The following HERC4 variants were observed in gnomAD, a reference collection of about 807,000 sequenced individuals.
The protein encoded by HERC4 is probable E3 ubiquitin-protein ligase HERC4.
In HERC4, 28 loss-of-function variants were observed where a neutral mutation model predicts 124.3. That is an observed-to-expected ratio of 0.23 (90% CI 0.17 to 0.31). HERC4 has a LOEUF of 0.31. Ranked by LOEUF, HERC4 falls within the 10% of genes least tolerant of loss-of-function variation. The pLI, the probability that HERC4 is intolerant of heterozygous loss-of-function variation, is 1.00. For synonymous variants in HERC4, 407 were observed against 421.5 expected, an observed-to-expected ratio of 0.97 and a Z score of 0.42; for missense variants, 713 against 1,229.3, an observed-to-expected ratio of 0.58 and a Z score of 6.28.
chr10:68,061,641 G>A (rs12767952), intron 3 of HERC4, among the ~76,000 whole-genome samples: 14,758 of 151,340 alleles, frequency 0.098, 811 homozygotes, highest in South Asian at 0.15. Flanking sequence ...CACTTTGGGA[G>A]GCAGAGACGG....
At chr10:67,954,492 G>T in intron 19 of HERC4, 103 bp downstream of exon 19, 1 of 873,310 alleles carries the variant, frequency 1.1e-6, no homozygotes, top group Non-Finnish European at 1.6e-6. Context: ...TTATATGTTA[G>T]GGATCCAGTA....
intron 9 of HERC4, chr10:67,993,604 A>G (rs374039487): frequency 2.6e-5 from 4 of 150,990 alleles, no homozygotes; most frequent in Admixed American, 6.6e-5. Flanking sequence ...ATAATGCAGA[A>G]TTTTTTTTTT....
chr10:67,985,026 TAC>T (rs895947618), intron 15 of HERC4, among the ~76,000 whole-genome samples: 2 of 152,244 alleles, frequency 1.3e-5, no homozygotes, highest in African/African-American at 2.4e-5. Context: ...ATATGATATA[TAC>T]GTTTTTGAAA....
intron 22 of HERC4, among the ~76,000 whole-genome samples, chr10:67,935,238 TG>T (rs1392536165): frequency 6.6e-6 from 1 of 151,784 alleles, no homozygotes; most frequent in African/African-American, 2.4e-5. Context: ...CTCTGCATCC[TG>T]GGTTCAAGAG....
chr10:68,056,905 T>C (rs2040576976), intron 3 of HERC4, among the ~76,000 whole-genome samples: 1 of 152,186 alleles, frequency 6.6e-6, no homozygotes, highest in Non-Finnish European at 1.5e-5. Flanking sequence ...TCAATGTTGG[T>C]GCTACGGGAA....
intron 8 of HERC4, among the ~76,000 whole-genome samples, chr10:68,021,259 G>T (rs2038606891): frequency 6.6e-6 from 1 of 152,106 alleles, no homozygotes; most frequent in African/African-American, 2.4e-5. Context: ...CACTAAAAGG[G>T]TTACATACTA....
Position 68,032,844 on chromosome 10 carries a change from CT to C in HERC4, c.710del (p.Lys237SerfsTer3). On this transcript the variant is annotated frameshift_variant, in exon 7 of 25. Transcript: ENST00000373700. LOFTEE classifies it high-confidence loss of function. ...ENDRYVPNLLKSLRSQKIVYI... is the reference protein window; with the variant it reads ...ENDRYVPNLLXSLRSQKIVYI... ...AAACTATTTTCTGAGATCTTAGTGA[CT>C]TTAGTAAATTAGGAACATACCTATC... The C allele has an allele frequency of 6.4e-7, 1 of 1,563,560 alleles. No homozygotes were observed. The highest frequency in any genetic ancestry group is 8.8e-7 in the Non-Finnish European group (1 of 1,134,226).
chr10:67,995,546 T>C (rs2036819584), intron 9 of HERC4, among the ~76,000 whole-genome samples: 1 of 151,896 alleles, frequency 6.6e-6, no homozygotes, highest in Non-Finnish European at 1.5e-5. Flanking sequence ...TTATTGTTTG[T>C]CTTATTTATC....
At chr10:67,976,313 C>T (rs1204978416) in intron 15 of HERC4, among the ~76,000 whole-genome samples, 1 of 152,114 alleles carries the variant, frequency 6.6e-6, no homozygotes, top group African/African-American at 2.4e-5. Context: ...TTCCCCTCTC[C>T]AATATTTATG....
intron 4 of HERC4, chr10:68,039,987 ATT>A (rs2039679540): frequency 2.7e-6 from 2 of 738,904 alleles, no homozygotes; most frequent in Non-Finnish European, 3.3e-6. Context: ...TTCATTTAAT[ATT>A]TGTCTCCTCT....
Position 67,940,950 on chromosome 10 carries a change from A to T in HERC4, c.2493T>A (p.Pro831=), listed in dbSNP as rs369188758. 9 of 1,609,526 alleles carry T rather than the reference A, an allele frequency of 5.6e-6. No individual in the cohort carries two copies. In the African/African-American group the frequency reaches 9.4e-5, roughly 17 times the overall value. Residue 831 remains proline, a synonymous_variant, in exon 20 of 25, where the codon CCT becomes CCA. Transcript: ENST00000373700. ...PSLDDLKELM[P]DVGRSMQQLL... ...TTTTTCCAACTAACCTCCCAACATC[A>T]GGCATTAGTTCTTTCAAATCATCCA...
chr10:68,067,087 AC>A (rs2041338493), intron 3 of HERC4: 1 of 152,624 alleles, frequency 6.6e-6, no homozygotes, highest in African/African-American at 2.4e-5. Flanking sequence ...TTACTTACCA[AC>A]GTGTGCTGCC....
At chr10:67,968,754 T>A (rs2035051385) in intron 15 of HERC4, among the ~76,000 whole-genome samples, 1 of 151,972 alleles carries the variant, frequency 6.6e-6, no homozygotes, top group Non-Finnish European at 1.5e-5. Flanking sequence ...AATAAAAGGA[T>A]TAATTCACCA....
chr10:67,992,420 T>G, intron 10 of HERC4, 97 bp from the exon 11 acceptor site: 1 of 1,472,174 alleles, frequency 6.8e-7, no homozygotes, highest in East Asian at 2.3e-5. Flanking sequence ...TAAACAGAAT[T>G]AAATCTCTCC....
At chr10:67,971,996 T>A (rs2035263216) in intron 15 of HERC4, among the ~76,000 whole-genome samples, 1 of 150,608 alleles carries the variant, frequency 6.6e-6, no homozygotes, top group Non-Finnish European at 1.5e-5. Context: ...GGCAGATCAC[T>A]ACAGTTCAGG....
chr10:67,992,182 C>G lies in HERC4; in HGVS notation c.1271+17G>C. 3 of 1,611,730 alleles carry G rather than the reference C, an allele frequency of 1.9e-6. No homozygotes were observed. The highest frequency in any genetic ancestry group is 1.7e-6 in the Non-Finnish European group (2 of 1,179,158). ...CAGGCATGAGCCACTGTGCCTGGCC[C>G]AAAATGCTTTTCTTACTTGGCTATC... On this transcript the variant is annotated intron_variant, in intron 11 of 24. Coordinates refer to ENST00000373700, the MANE Select transcript of HERC4 (RefSeq NM_015601.4).
Position 68,025,616 on chromosome 10 carries a change from T to A in HERC4, c.838A>T (p.Ser280Cys). The A allele has an allele frequency of 1.9e-6, 3 of 1,613,910 alleles. No individual in the cohort carries two copies. Among genetic ancestry groups the A allele is most frequent in the Non-Finnish European group, 2.5e-6 (3 of 1,179,910 alleles). The stretch of plus-strand genomic sequence containing the variant: ...ACTTTCCTTGGGTTTATTTCATGAC[T>A]GGTAGAATTATGGCCCAACTGACCA... The part of the protein sequence containing the change: ...GYGQLGHNST[S>C]HEINPRKVFE... Residue 280 changes from serine to cysteine, a missense_variant, in exon 8 of 25, where the codon AGT (serine) becomes TGT (cysteine). Transcript: ENST00000373700.
chr10:67,938,061 G>A (rs1219447687), intron 21 of HERC4, among the ~76,000 whole-genome samples: 2 of 151,912 alleles, frequency 1.3e-5, no homozygotes, highest in African/African-American at 4.8e-5. Context: ...GCAGAATATG[G>A]CATCTTTTGT....
intron 3 of HERC4, chr10:68,068,929 T>G: frequency 1.1e-5 from 5 of 435,076 alleles, no homozygotes; most frequent in Non-Finnish European, 1.5e-5. Context: ...ACAACTGTTG[T>G]GAGAATTAAA....
Sources: gnomAD v4.1 joint callset for allele counts (sites outside exome capture counted in the v4.1 genomes callset) on GRCh38, gnomAD v4.1.1 for gene constraint, MANE v1.5 for transcripts, NCBI Gene and HGNC (gene_info 2026-07-23, HGNC 2026-07-21) for gene names.